CNBD1: variants seen among roughly 807,000 people sequenced by gnomAD.
CNBD1 encodes the protein cyclic nucleotide binding domain containing 1.
Under a neutral mutation model 54.4 loss-of-function variants are expected in CNBD1, and 71 were observed. The observed-to-expected ratio is 1.30, with a 90% CI of 1.08 to 1.59. The LOEUF is 1.59. CNBD1 is among the 40% of genes most tolerant of loss of function. CNBD1 has a pLI of 0.00. For synonymous variants in CNBD1, 182 were observed against 170.7 expected, an observed-to-expected ratio of 1.07 and a Z score of -0.51; for missense variants, 659 against 518.0, an observed-to-expected ratio of 1.27 and a Z score of -2.64.
At chr8:87,228,900 G>C (rs1435812450) in intron 5 of CNBD1, among the ~76,000 whole-genome samples, 1 of 152,184 alleles carries the variant, frequency 6.6e-6, no homozygotes, top group Non-Finnish European at 1.5e-5. Flanking sequence ...GAGACTCTGT[G>C]GGGTAGGACC....
chr8:87,284,683 C>A lies in CNBD1; in HGVS notation c.777C>A (p.Ser259Arg), dbSNP rs1808657731. The A allele has an allele frequency of 1.3e-6, 2 of 1,598,392 alleles. No homozygotes were observed. The highest frequency in any genetic ancestry group is 1.7e-6 in the Non-Finnish European group (2 of 1,173,966). The change falls in exon 7 of 11, where the codon AGC becomes AGA. Residue 259 changes from serine (S) to arginine (R), a missense_variant. Ser to Arg is a moderately radical substitution (Grantham distance 110). Coordinates refer to ENST00000518476, the MANE Select transcript of CNBD1 (RefSeq NM_173538.3). ...TGTCTCTGGTATTTTTACAGCTTAG[C>A]AAATGGAGTACCTTTGGGACTCTGG... ...MYLPSYDSML[S>R]KWSTFGTLEV...
intron 2 of CNBD1, among the ~76,000 whole-genome samples, chr8:87,403,298 C>T (rs1563588580): frequency 6.6e-6 from 1 of 151,900 alleles, no homozygotes. Flanking sequence ...TATTTTGGGG[C>T]ACAGCATCAA....
rs181485983 is a variant in CNBD1 at position 87,124,654 on chromosome 8, A to G, written c.432-81339A>G. On this transcript the variant is annotated intron_variant, in intron 4 of 10. Transcript: ENST00000518476. ...TTAGATATAGAGGGAGTGTACCTCA[A>G]CCCAATAAAGGCCATATATGACAAA... Among the ~76,000 whole-genome samples, 6 of 151,830 alleles carry G rather than the reference A, an allele frequency of 4.0e-5. No homozygotes were observed. The East Asian group carries it at 1.2e-3, about 29-fold the overall frequency.
intron 4 of CNBD1, among the ~76,000 whole-genome samples, chr8:87,192,053 G>A (rs1380183470): frequency 6.6e-6 from 1 of 152,068 alleles, no homozygotes; most frequent in Non-Finnish European, 1.5e-5. Context: ...TATCAACCAA[G>A]CTAGAGGGAA....
intron 8 of CNBD1, among the ~76,000 whole-genome samples, chr8:87,303,689 G>A (rs192128560): frequency 6.7e-6 from 1 of 150,340 alleles, no homozygotes; most frequent in Non-Finnish European, 1.5e-5. Flanking sequence ...TACCATCAGA[G>A]TGAACAGGCA....
At position 87,317,093 on chromosome 8, in the gene CNBD1, G is replaced by C. The variant is rs911194132; in HGVS notation, c.1042+30422G>C. Among the ~76,000 whole-genome samples the C allele has an allele frequency of 2.0e-5, 3 of 151,678 alleles. No individual in the cohort carries two copies. In the East Asian group the frequency reaches 5.8e-4, roughly 29 times the overall value. On this transcript the variant is annotated intron_variant, in intron 8 of 10. Transcript: ENST00000518476. The stretch of plus-strand genomic sequence containing the variant: ...GAGGGTTGTTATAAGAAATTTTTTT[G>C]TGGGGGTGAACTGTCTGACTAGAAA...
chr8:86,942,751 AT>A (rs1423350708), intron 4 of CNBD1, among the ~76,000 whole-genome samples: 1 of 152,176 alleles, frequency 6.6e-6, no homozygotes, highest in Non-Finnish European at 1.5e-5. Context: ...CACTCCCAAC[AT>A]TTAAGGAAAG....
intron 4 of CNBD1, among the ~76,000 whole-genome samples, chr8:86,970,333 T>A (rs984888125): frequency 6.6e-6 from 1 of 152,196 alleles, no homozygotes; most frequent in African/African-American, 2.4e-5. Context: ...TATTTTTTTC[T>A]GTTCTTATGA....
At chr8:87,080,570 C>CAA (rs201765591) in intron 4 of CNBD1, among the ~76,000 whole-genome samples, 1,657 of 116,618 alleles carry the variant, frequency 0.014, 34 homozygotes, top group African/African-American at 0.042. Flanking sequence ...AGCTCCATCT[C>CAA]AAAAAAAAAA....
At chr8:87,371,140 A>G (rs1810780714) in intron 10 of CNBD1, among the ~76,000 whole-genome samples, 2 of 151,668 alleles carry the variant, frequency 1.3e-5, no homozygotes, top group Non-Finnish European at 2.9e-5. Context: ...GCCTTGTAGT[A>G]TAGTTTGAAG....
At chr8:87,043,690 C>G (rs1354819855) in intron 4 of CNBD1, among the ~76,000 whole-genome samples, 1 of 152,188 alleles carries the variant, frequency 6.6e-6, no homozygotes, top group Non-Finnish European at 1.5e-5. Flanking sequence ...CTGTCTCTGC[C>G]CAATCATTCC....
chr8:87,382,694 C>A lies in CNBD1; in HGVS notation c.*67C>A, dbSNP rs989185889. ...GACTAAATAATGGAATAATTGCATT[C>A]TGGAATACTATCAAACTACCAGCAA... On this transcript the variant is annotated 3_prime_UTR_variant, in exon 11 of 11. Coordinates refer to ENST00000518476, the MANE Select transcript of CNBD1 (RefSeq NM_173538.3). 2 of 1,176,660 alleles carry A rather than the reference C, an allele frequency of 1.7e-6. No individual in the cohort carries two copies. Among genetic ancestry groups the A allele is most frequent in the East Asian group, 2.6e-5 (1 of 38,616 alleles). 72.9% of individuals were successfully genotyped at this position (1,176,660 alleles called of 1,614,324 possible).
At chr8:87,266,436 A>AAACT (rs71503464) in intron 6 of CNBD1, among the ~76,000 whole-genome samples, 1 of 76,222 alleles carries the variant, frequency 1.3e-5, no homozygotes, top group Non-Finnish European at 3.1e-5. Flanking sequence ...AAAAAAAAAA[A>AAACT]TCTTTTTTTT....
chr8:87,283,488 C>A (rs1385452933), intron 6 of CNBD1, among the ~76,000 whole-genome samples: 2 of 151,938 alleles, frequency 1.3e-5, no homozygotes, highest in East Asian at 3.9e-4. Flanking sequence ...TGTATAATAC[C>A]TTCCTGGATC....
chr8:87,197,039 A>C (rs1586322883), intron 4 of CNBD1, among the ~76,000 whole-genome samples: 1 of 152,310 alleles, frequency 6.6e-6, no homozygotes, highest in South Asian at 2.1e-4. Context: ...ATATAAAGGG[A>C]ATAGTATTTT....
At chr8:87,428,574 G>T (rs1475863132) in exon 3 of CNBD1, 5 of 454,274 alleles carry the variant, frequency 1.1e-5, no homozygotes, top group African/African-American at 6.0e-5. Context: ...AGCAACTTAT[G>T]CTCCAAACAG....
At chr8:87,110,789 T>C (rs971350470) in intron 4 of CNBD1, among the ~76,000 whole-genome samples, 2 of 152,246 alleles carry the variant, frequency 1.3e-5, no homozygotes, top group Admixed American at 6.5e-5. Context: ...AATCAACAAA[T>C]GTATTTATTA....
intron 8 of CNBD1, among the ~76,000 whole-genome samples, chr8:87,299,868 A>G (rs2130881138): frequency 6.6e-6 from 1 of 152,314 alleles, no homozygotes; most frequent in East Asian, 1.9e-4. Flanking sequence ...ACAACCTGCA[A>G]AATCATGTAT....
intron 10 of CNBD1, among the ~76,000 whole-genome samples, chr8:87,369,342 A>ATTTC (rs1220632072): frequency 6.6e-6 from 1 of 151,950 alleles, no homozygotes; most frequent in African/African-American, 2.4e-5. Flanking sequence ...TTTGTGATTG[A>ATTTC]AAAGAGTTCC....
Sources: gnomAD v4.1 joint callset for allele counts (sites outside exome capture counted in the v4.1 genomes callset) on GRCh38, gnomAD v4.1.1 for gene constraint, MANE v1.5 for transcripts, NCBI Gene and HGNC (gene_info 2026-07-23, HGNC 2026-07-21) for gene names.